Variants in PCDHGA1 observed in about 807,000 individuals in gnomAD.
The protein encoded by PCDHGA1 is protocadherin gamma subfamily A, 1.
Under a neutral mutation model 58.0 loss-of-function variants are expected in PCDHGA1, and 32 were observed. That is an observed-to-expected ratio of 0.55 (90% CI 0.42 to 0.74). PCDHGA1 has a LOEUF of 0.74. PCDHGA1 is among the 30% of genes least tolerant of loss of function. The pLI, the probability that PCDHGA1 is intolerant of heterozygous loss-of-function variation, is 0.00. For missense variants in PCDHGA1, 1,205 were observed against 1,182.3 expected (o/e 1.02, Z -0.28); for synonymous variants, 498 against 501.1 (o/e 0.99, Z 0.08).
chr5:141,478,392 A>G, intron 1 of PCDHGA1: 1 of 1,613,560 alleles, frequency 6.2e-7, no homozygotes, highest in Non-Finnish European at 8.5e-7. Context: ...CTTTACCATC[A>G]GGTGTATCTC....
At chr5:141,382,962 G>C in intron 1 of PCDHGA1, 1 of 1,607,858 alleles carries the variant, frequency 6.2e-7, no homozygotes, top group Admixed American at 1.7e-5. Flanking sequence ...TCCTCCTGGG[G>C]ACCCCCTGGG....
intron 1 of PCDHGA1, among the ~76,000 whole-genome samples, chr5:141,429,545 G>T (rs1200824675): frequency 6.6e-6 from 1 of 151,844 alleles, no homozygotes; most frequent in East Asian, 1.9e-4. Context: ...TAAGAACATG[G>T]TAATGATTTG....
At chr5:141,360,535 A>T in intron 1 of PCDHGA1, 1 of 1,613,976 alleles carries the variant, frequency 6.2e-7, no homozygotes, top group Non-Finnish European at 8.5e-7. Flanking sequence ...CCCGCTATTC[A>T]AACAGACTAA....
intron 1 of PCDHGA1, among the ~76,000 whole-genome samples, chr5:141,459,619 A>G (rs995987344): frequency 6.6e-6 from 1 of 152,238 alleles, no homozygotes; most frequent in Non-Finnish European, 1.5e-5. Context: ...TTAACTTTAT[A>G]AGAAGCTGCC....
chr5:141,339,829 A>T (rs773791186), intron 1 of PCDHGA1: 40 of 1,614,108 alleles, frequency 2.5e-5, no homozygotes, highest in Middle Eastern at 1.6e-4. Flanking sequence ...AAAGCCCTGG[A>T]GAAACCTCAG....
intron 1 of PCDHGA1, chr5:141,423,751 G>GGC: frequency 2.9e-6 from 1 of 349,040 alleles, no homozygotes; most frequent in African/African-American, 6.5e-5. Context: ...AAAACTGTTT[G>GGC]GGGGGGGGGT....
rs943867570 is a variant in PCDHGA1 at position 141,493,651 on chromosome 5, T to C, written c.2422-1156T>C. On this transcript the variant is annotated intron_variant, in intron 1 of 3. Coordinates refer to ENST00000517417, the MANE Select transcript of PCDHGA1 (RefSeq NM_018912.3). The surrounding 1 kb of genome is among the most constrained non-coding windows in gnomAD (Gnocchi z 4.3). ...AGTGGCTGAGGGCTGGCCATCCCTGTGCCCTTCTCCATGGCAGCCCCAGAA... is the reference window on the plus strand; with the variant it reads ...AGTGGCTGAGGGCTGGCCATCCCTGCGCCCTTCTCCATGGCAGCCCCAGAA... Among the ~76,000 whole-genome samples, 1 of 152,204 alleles carries C rather than the reference T, an allele frequency of 6.6e-6. No individual in the cohort carries two copies. The highest frequency in any genetic ancestry group is 1.5e-5 in the Non-Finnish European group (1 of 68,030).
intron 1 of PCDHGA1, among the ~76,000 whole-genome samples, chr5:141,464,094 G>A (rs540562188): frequency 7.4e-4 from 112 of 151,988 alleles, no homozygotes; most frequent in Non-Finnish European, 1.1e-3. Context: ...GTGAAACTCC[G>A]TCTCTACTAA....
Position 141,351,043 on chromosome 5 carries a change from G to T in PCDHGA1, c.2421+17938G>T, listed in dbSNP as rs747483340. 4 of 1,614,084 alleles carry T rather than the reference G, an allele frequency of 2.5e-6. No individual in the cohort carries two copies. The South Asian group carries it at 4.4e-5, about 18-fold the overall frequency. On this transcript the variant is annotated intron_variant, in intron 1 of 3. Transcript: ENST00000517417. ...CGTGGGGAACCTCCGTGCTGCGGGT[G>T]ATGGCCACAGACCAGGATGAGGGCA...
intron 1 of PCDHGA1, chr5:141,388,663 C>G: frequency 1.9e-6 from 3 of 1,613,928 alleles, no homozygotes; most frequent in East Asian, 2.2e-5. Flanking sequence ...CCGGGGACCA[C>G]GGTGCTACAG....
At chr5:141,390,407 G>A in intron 1 of PCDHGA1, 1 of 1,265,446 alleles carries the variant, frequency 7.9e-7, no homozygotes, top group Non-Finnish European at 1.1e-6. Flanking sequence ...TAGGAAAGTT[G>A]TAGTCAGTTA....
At chr5:141,340,016 A>C in intron 1 of PCDHGA1, 4 of 1,614,194 alleles carry the variant, frequency 2.5e-6, no homozygotes, top group Non-Finnish European at 3.4e-6. Context: ...AGAATTTTAC[A>C]TGACATCTGC....
intron 1 of PCDHGA1, among the ~76,000 whole-genome samples, chr5:141,373,744 G>A (rs10061034): frequency 6.6e-6 from 1 of 152,096 alleles, no homozygotes; most frequent in Admixed American, 6.5e-5. Context: ...TCATTATCTT[G>A]GGGAGGGAAA....
At chr5:141,438,287 T>C (rs1183751436) in intron 1 of PCDHGA1, among the ~76,000 whole-genome samples, 1 of 152,054 alleles carries the variant, frequency 6.6e-6, no homozygotes, top group African/African-American at 2.4e-5. Context: ...TAATTTAATC[T>C]GTATGTAAAA....
intron 1 of PCDHGA1, chr5:141,382,902 G>A: frequency 6.5e-7 from 1 of 1,543,512 alleles, no homozygotes; most frequent in South Asian, 1.2e-5. Flanking sequence ...GGACGACTAT[G>A]GCGGCTCAGC....
intron 1 of PCDHGA1, among the ~76,000 whole-genome samples, chr5:141,450,145 T>A (rs2098671113): frequency 6.6e-6 from 1 of 151,890 alleles, no homozygotes; most frequent in South Asian, 2.1e-4. Flanking sequence ...TAGCTGGGAC[T>A]ACAGGCATGT....
intron 1 of PCDHGA1, chr5:141,420,969 A>G (rs2096536141): frequency 2.3e-6 from 1 of 443,064 alleles, no homozygotes; most frequent in Admixed American, 4.0e-5. Flanking sequence ...TTGCAATAAT[A>G]AGAATGGGCT....
At chr5:141,452,554 G>A (rs2098744143) in intron 1 of PCDHGA1, among the ~76,000 whole-genome samples, 1 of 152,140 alleles carries the variant, frequency 6.6e-6, no homozygotes, top group Admixed American at 6.5e-5. Context: ...TCCAGTTCTG[G>A]TTCTTCCTAG....
At chr5:141,445,938 G>A (rs2098482293) in intron 1 of PCDHGA1, among the ~76,000 whole-genome samples, 1 of 152,196 alleles carries the variant, frequency 6.6e-6, no homozygotes, top group Non-Finnish European at 1.5e-5. Flanking sequence ...GAATTATTAA[G>A]CTTACTCTGG....
Sources: gnomAD v4.1 joint callset for allele counts (sites outside exome capture counted in the v4.1 genomes callset) on GRCh38, gnomAD v4.1.1 for gene constraint, Gnocchi (gnomAD v3.1) non-coding constraint, MANE v1.5 for transcripts, NCBI Gene and HGNC (gene_info 2026-07-23, HGNC 2026-07-21) for gene names.